Variants in ZNF71 observed in about 807,000 individuals in gnomAD.
The protein encoded by ZNF71 is endothelial zinc finger protein induced by tumor necrosis factor alpha.
In ZNF71, 3 loss-of-function variants were observed where a neutral mutation model predicts 6.7. The observed-to-expected ratio is 0.45, with a 90% confidence interval of 0.20 to 1.16. The LOEUF (loss-of-function observed/expected upper bound fraction) is 1.16, where lower values mean the gene tolerates loss of function less well. Ranked by LOEUF, ZNF71 falls within the 50% of genes most tolerant of loss-of-function variation. The probability of loss-of-function intolerance (pLI) is 0.25; values close to 1 mark genes in which losing one functional copy is unlikely to be tolerated. For missense variants in ZNF71, 688 were observed against 728.6 expected (o/e 0.94, Z 0.64); for synonymous variants, 343 against 311.1 (o/e 1.10, Z -1.08).
Position 56,622,479 on chromosome 19 carries a change from A to G in ZNF71, c.1372A>G (p.Ile458Val), listed in dbSNP as rs767519020. Residue 458 changes from isoleucine (I) to valine (V), a missense_variant, in exon 4 of 4, where the codon ATC becomes GTC. Ile to Val is a conservative substitution (Grantham distance 29). Transcript: ENST00000599599. ...GCACTTCACGGGGCGCTCGTCCCTC[A>G]TCGTGCACCAGATCGTGCACACCGG... ...KKHFTGRSSL[I>V]VHQIVHTGEK... 12 of 1,608,506 alleles carry G rather than the reference A, an allele frequency of 7.5e-6. No homozygotes were observed. Among genetic ancestry groups the G allele is most frequent in the East Asian group, 4.5e-5 (2 of 44,764 alleles).
At position 56,622,974 on chromosome 19, in the gene ZNF71, G is replaced by T. The variant is rs2044877282; in HGVS notation, c.*217G>T. ...CCCCTCGGTGTCTGACGTATCTGGG[G>T]ACACTTCAAGGTTCACTGTAGCTGA... On this transcript the variant is annotated 3_prime_UTR_variant, in exon 4 of 4. Coordinates refer to ENST00000599599, the MANE Select transcript of ZNF71 (RefSeq NM_001370215.1). The T allele has an allele frequency of 6.2e-6, 4 of 643,166 alleles. No homozygotes were observed. In the East Asian group the frequency reaches 1.1e-4, roughly 18 times the overall value. The allele number at this position is 643,166 out of a possible 1,614,324, so 39.8% of individuals were successfully genotyped here. A position where few individuals can be genotyped will look rare whatever the true frequency, so the allele number is the denominator to read the frequency against.
At chr19:56,619,032 C>T (rs2044821030) in intron 3 of ZNF71, among the ~76,000 whole-genome samples, 1 of 152,138 alleles carries the variant, frequency 6.6e-6, no homozygotes, top group South Asian at 2.1e-4. Context: ...TGGTCTGATT[C>T]AGGCTGTTTG....
chr19:56,616,143 G>GT (rs1434548270), intron 3 of ZNF71, among the ~76,000 whole-genome samples: 2 of 152,108 alleles, frequency 1.3e-5, no homozygotes. Context: ...GTTTTCTTCT[G>GT]TAAGTTATAT....
intron 1 of ZNF71, among the ~76,000 whole-genome samples, chr19:56,597,326 A>G (rs959985436): frequency 2.0e-5 from 3 of 152,162 alleles, no homozygotes; most frequent in Non-Finnish European, 2.9e-5. Flanking sequence ...TTTATATTAA[A>G]TTGTGTTTCA....
At chr19:56,599,443 T>G (rs2044650193) in intron 1 of ZNF71, among the ~76,000 whole-genome samples, 1 of 152,164 alleles carries the variant, frequency 6.6e-6, no homozygotes, top group African/African-American at 2.4e-5. Context: ...TAAAACAAAT[T>G]GAAGTAAAGC....
chr19:56,622,211 CAA>C lies in ZNF71; in HGVS notation c.1105_1106del (p.Lys369GlufsTer232), dbSNP rs2044861296. On this transcript the variant is annotated frameshift_variant, in exon 4 of 4. Transcript: ENST00000599599. LOFTEE classifies it low-confidence loss of function (END_TRUNC). ...ACKECGKAFN[K>X]SSSLTLHQRN... ...GCAAGGAGTGCGGCAAGGCCTTCAA[CAA>C]GAGCTCCTCGCTCACCCTGCACCAG... 1.9e-6 allele frequency: 3 copies of C among 1,613,498 alleles called. No homozygotes were observed. Among genetic ancestry groups the C allele is most frequent in the Non-Finnish European group, 2.5e-6 (3 of 1,179,842 alleles).
Position 56,618,433 on chromosome 19 carries a change from G to A in ZNF71, c.161-2835G>A, listed in dbSNP as rs1430148538. ...CATACTCGCTTATCTGGTACCTTCT[G>A]TGTGCAGGCTGTGTGAGGAGCTGGG... On this transcript the variant is annotated intron_variant, in intron 3 of 3. Transcript: ENST00000599599. The surrounding 1 kb of genome is among the most constrained non-coding windows in gnomAD (Gnocchi z 4.6). Among the ~76,000 whole-genome samples, 4 of 152,204 alleles carry A rather than the reference G, an allele frequency of 2.6e-5. No individual in the cohort carries two copies. Among genetic ancestry groups the A allele is most frequent in the Non-Finnish European group, 2.9e-5 (2 of 68,046 alleles).
chr19:56,612,129 C>T lies in ZNF71; in HGVS notation c.34-1683C>T, dbSNP rs138946115. On this transcript the variant is annotated intron_variant, in intron 2 of 3. Coordinates refer to ENST00000599599, the MANE Select transcript of ZNF71 (RefSeq NM_001370215.1). ...AAATTAGTACAACTTCTTTGGAAAA[C>T]AGTATTGAGGTTTCTCAAAGAACTA... Among the ~76,000 whole-genome samples, 284 of 152,358 alleles carry T rather than the reference C, an allele frequency of 1.9e-3. 4 individuals carry two copies. Among genetic ancestry groups the T allele is most frequent in the Middle Eastern group, 6.8e-3 (2 of 294 alleles).
chr19:56,601,840 G>C (rs1222764609), intron 2 of ZNF71, among the ~76,000 whole-genome samples: 4 of 152,136 alleles, frequency 2.6e-5, no homozygotes, highest in African/African-American at 4.8e-5. Flanking sequence ...GCACCTGTGG[G>C]AAGTGGTGGT....
chr19:56,617,080 A>G (rs2044799013), intron 3 of ZNF71, among the ~76,000 whole-genome samples: 1 of 151,524 alleles, frequency 6.6e-6, no homozygotes, highest in South Asian at 2.1e-4. Flanking sequence ...AACTCTGGTG[A>G]GTAAGATTAC....
chr19:56,609,118 A>G (rs1056649363), intron 2 of ZNF71, among the ~76,000 whole-genome samples: 2 of 152,230 alleles, frequency 1.3e-5, no homozygotes, highest in African/African-American at 4.8e-5. Context: ...TTTTAAACAC[A>G]TAAAATGTGT....
intron 1 of ZNF71, among the ~76,000 whole-genome samples, chr19:56,596,879 A>C (rs1192995345): frequency 6.6e-6 from 1 of 152,144 alleles, no homozygotes; most frequent in Non-Finnish European, 1.5e-5. Context: ...CCCCGCTTGG[A>C]AACAATGGAA....
At chr19:56,595,578 C>A in intron 1 of ZNF71, 150 bp downstream of exon 1, 1 of 158,858 alleles carries the variant, frequency 6.3e-6, no homozygotes, top group Non-Finnish European at 1.4e-5. Context: ...TGACTGGAGG[C>A]TGAGGGGCTG....
chr19:56,601,676 G>T (rs2044671815), intron 2 of ZNF71, 85 bp downstream of exon 2: 4 of 892,974 alleles, frequency 4.5e-6, no homozygotes, highest in Non-Finnish European at 5.4e-6. Flanking sequence ...CCTCTCCAAG[G>T]CCCCCAGTCC....
rs1200871110 is a variant in ZNF71, at chr19:56,598,044, C to T, written c.-53+2616C>T. On this transcript the variant is annotated intron_variant, in intron 1 of 3. Transcript: ENST00000599599. The surrounding 1 kb of genome is among the most constrained non-coding windows in gnomAD (Gnocchi z 4.2). The stretch of plus-strand genomic sequence containing the variant: ...GGAAATACAATCTGAAAGTGATCAT[C>T]CCTGCTCCCTGGGGGCTTCTGTTCT... Among the ~76,000 whole-genome samples, 1 of 152,184 alleles carries T rather than the reference C, an allele frequency of 6.6e-6. No homozygotes were observed. Among genetic ancestry groups the T allele is most frequent in the East Asian group, 1.9e-4 (1 of 5,182 alleles).
intron 3 of ZNF71, among the ~76,000 whole-genome samples, chr19:56,615,003 T>C (rs1161503187): frequency 6.6e-6 from 1 of 151,940 alleles, no homozygotes; most frequent in African/African-American, 2.4e-5. Context: ...TTTTTTTTGG[T>C]CTGGCTTTTT....
chr19:56,599,185 A>G (rs950683233), intron 1 of ZNF71, among the ~76,000 whole-genome samples: 1 of 152,212 alleles, frequency 6.6e-6, no homozygotes, highest in Non-Finnish European at 1.5e-5. Flanking sequence ...ATTTCCAGTC[A>G]GAGGTGTTGG....
At position 56,613,636 on chromosome 19, in the gene ZNF71, A is replaced by G. The variant is rs1170111199; in HGVS notation, c.34-176A>G. The stretch of plus-strand genomic sequence containing the variant: ...ATTTCTCTATCAGAGTGCCAACCCA[A>G]TATAACTAGACACAGAGAAAACTGT... On this transcript the variant is annotated intron_variant, in intron 2 of 3. Coordinates refer to ENST00000599599, the MANE Select transcript of ZNF71 (RefSeq NM_001370215.1). The surrounding 1 kb of genome is among the most constrained non-coding windows in gnomAD (Gnocchi z 4.6). Among the ~76,000 whole-genome samples the G allele has an allele frequency of 1.3e-5, 2 of 152,198 alleles. No homozygotes were observed. Among genetic ancestry groups the G allele is most frequent in the East Asian group, 3.8e-4 (2 of 5,196 alleles).
At chr19:56,606,270 A>G (rs1418432231) in intron 2 of ZNF71, among the ~76,000 whole-genome samples, 2 of 152,198 alleles carry the variant, frequency 1.3e-5, no homozygotes, top group African/African-American at 4.8e-5. Context: ...AAATGAATAC[A>G]TGAAAGGGTG....
Sources: gnomAD v4.1 joint callset for allele counts (sites outside exome capture counted in the v4.1 genomes callset) on GRCh38, gnomAD v4.1.1 for gene constraint, Gnocchi (gnomAD v3.1) non-coding constraint, MANE v1.5 for transcripts, NCBI Gene and HGNC (gene_info 2026-07-23, HGNC 2026-07-21) for gene names.